Variants in FBXO40 observed in about 807,000 individuals in gnomAD.
The protein encoded by FBXO40 is F-box protein 40.
A neutral mutation model predicts 49.9 loss-of-function variants in FBXO40; 50 were observed. That is an observed-to-expected ratio of 1.00 (90% CI 0.80 to 1.27). FBXO40 has a LOEUF of 1.27. Ranked by LOEUF, FBXO40 falls within the 50% of genes most tolerant of loss-of-function variation. The pLI is 0.00. For missense variants in FBXO40, 895 were observed against 870.1 expected (o/e 1.03, Z -0.36); for synonymous variants, 340 against 320.2 (o/e 1.06, Z -0.66).
rs2049077962 is a variant in FBXO40, at chr3:121,628,903, C to T, written c.*1993C>T. 6.6e-6 allele frequency: 1 copy of T among 152,152 alleles called. No individual in the cohort carries two copies. The highest frequency in any genetic ancestry group is 2.4e-5 in the African/African-American group (1 of 41,422). The allele number at this position is 152,152 out of a possible 1,614,324, so 9.4% of individuals were successfully genotyped here. On this transcript the variant is annotated 3_prime_UTR_variant, in exon 4 of 4. Transcript: ENST00000338040. ...AAGCCAGGAGCGTTGAGTTATTAGCCTTGTGTTTATATTCCTCTCACTGTA... is the reference window on the plus strand; with the variant it reads ...AAGCCAGGAGCGTTGAGTTATTAGCTTTGTGTTTATATTCCTCTCACTGTA...
chr3:121,611,541 G>C (rs753653044), intron 1 of FBXO40, among the ~76,000 whole-genome samples: 20 of 152,278 alleles, frequency 1.3e-4, no homozygotes, highest in East Asian at 9.6e-4. Flanking sequence ...GTTTTTCTCT[G>C]ATCTCAGAAT....
intron 1 of FBXO40, among the ~76,000 whole-genome samples, chr3:121,616,910 T>C (rs2049000559): frequency 6.6e-6 from 1 of 152,118 alleles, no homozygotes; most frequent in Non-Finnish European, 1.5e-5. Flanking sequence ...AAGCCAGACA[T>C]AGAAAGACAC....
In FBXO40 at chr3:121,622,716, A is replaced by G. The variant is rs1485704962; in HGVS notation, c.1287A>G (p.Gln429=). 1.9e-6 allele frequency: 3 copies of G among 1,614,058 alleles called. No homozygotes were observed. Among genetic ancestry groups the G allele is most frequent in the Admixed American group, 3.3e-5 (2 of 60,004 alleles). The part of the protein sequence containing the change: ...IDGLFMDFAT[Q]TYNFEPEQFS... ...GACTGTTCATGGATTTTGCCACACA[A>G]ACATACAACTTTGAGCCAGAACAGT... Residue 429 remains glutamine, a synonymous_variant, in exon 3 of 4, where the codon CAA becomes CAG. Transcript: ENST00000338040.
chr3:121,626,814 G>A lies in FBXO40; in HGVS notation c.2034G>A (p.Pro678=), dbSNP rs372791958. 15 of 1,613,976 alleles carry A rather than the reference G, an allele frequency of 9.3e-6. No homozygotes were observed. The highest frequency in any genetic ancestry group is 4.5e-5 in the East Asian group (2 of 44,892). ...ACATTGTAGAGCACAAAACTGACCC[G>A]ATTCTTTTGACTAGCATGTGTCAGC... is the stretch of plus-strand genomic sequence containing the variant. ...PFNIVEHKTD[P]ILLTSMCQPR... Residue 678 remains proline (P), a synonymous_variant, in exon 4 of 4, where the codon CCG becomes CCA. Coordinates refer to ENST00000338040, the MANE Select transcript of FBXO40 (RefSeq NM_016298.4).
At chr3:121,608,245 C>T (rs6808727) in intron 1 of FBXO40, among the ~76,000 whole-genome samples, 137,301 of 152,282 alleles carry the variant, frequency 0.9, 61,956 homozygotes, top group East Asian at 0.96. Context: ...TCAAAATATC[C>T]GAGTGATGTT....
chr3:121,616,995 C>A (rs1292456964), intron 1 of FBXO40, among the ~76,000 whole-genome samples: 1 of 151,966 alleles, frequency 6.6e-6, no homozygotes, highest in African/African-American at 2.4e-5. Flanking sequence ...ATGATAGTTA[C>A]CAGAGGCTGG....
intron 2 of FBXO40, among the ~76,000 whole-genome samples, 177 bp downstream of exon 2, chr3:121,620,755 A>G (rs897920597): frequency 2.6e-5 from 4 of 152,226 alleles, no homozygotes; most frequent in East Asian, 1.9e-4. Context: ...GAGTAAGGGG[A>G]AAACAGTTGA....
intron 1 of FBXO40, among the ~76,000 whole-genome samples, chr3:121,615,186 CAG>C (rs2048990420): frequency 1.0e-5 from 1 of 98,522 alleles, no homozygotes. Context: ...GCCTGGGCAA[CAG>C]AGAGAGCATC....
chr3:121,624,758 G>A (rs2049052998), intron 3 of FBXO40, among the ~76,000 whole-genome samples: 1 of 152,130 alleles, frequency 6.6e-6, no homozygotes, highest in South Asian at 2.1e-4. Flanking sequence ...GGGATCCAAC[G>A]ACCTTCCTTC....
At chr3:121,626,397 A>G (rs770347140) in intron 3 of FBXO40, among the ~76,000 whole-genome samples, 2 of 152,202 alleles carry the variant, frequency 1.3e-5, no homozygotes, top group Non-Finnish European at 2.9e-5. Flanking sequence ...TGAACTGTGC[A>G]TCTACTTTAA....
At chr3:121,614,136 G>T (rs936452578) in intron 1 of FBXO40, among the ~76,000 whole-genome samples, 15 of 152,004 alleles carry the variant, frequency 9.9e-5, no homozygotes, top group African/African-American at 3.4e-4. Context: ...CTGTGGTGGC[G>T]CTTGCCTGTA....
At position 121,627,120 on chromosome 3, in the gene FBXO40, T is replaced by G; in HGVS notation, c.*210T>G. ...TGTACCATAGTGCCACATTGATGAC[T>G]TGTTTCCTTTTTTCTTTTCTTTTCT... On this transcript the variant is annotated 3_prime_UTR_variant, in exon 4 of 4. Coordinates refer to ENST00000338040, the MANE Select transcript of FBXO40 (RefSeq NM_016298.4). 1.9e-6 allele frequency: 1 copy of G among 536,610 alleles called. No individual in the cohort carries two copies. The highest frequency in any genetic ancestry group is 3.3e-6 in the Non-Finnish European group (1 of 303,396). The allele number at this position is 536,610 out of a possible 1,614,324, so 33.2% of individuals were successfully genotyped here. A position where few individuals can be genotyped will look rare whatever the true frequency, so the allele number is the denominator to read the frequency against.
Position 121,622,330 on chromosome 3 carries a change from G to A in FBXO40, c.901G>A (p.Ala301Thr). 1 of 1,614,242 alleles carries A rather than the reference G, an allele frequency of 6.2e-7. No homozygotes were observed. The highest frequency in any genetic ancestry group is 8.5e-7 in the Non-Finnish European group (1 of 1,180,046). Residue 301 changes from alanine (A) to threonine (T), a missense_variant, in exon 3 of 4, where the codon GCT (alanine) becomes ACT (threonine). By Grantham distance (58) the Ala-to-Thr change is moderately conservative. Coordinates refer to ENST00000338040, the MANE Select transcript of FBXO40 (RefSeq NM_016298.4). ...TGGTGTTCTGGAAAGACTGAAAACAGCTGTGGATGCAAAGGACTATAACAT... is the reference window on the plus strand; with the variant it reads ...TGGTGTTCTGGAAAGACTGAAAACAACTGTGGATGCAAAGGACTATAACAT... ...QDGVLERLKTAVDAKDYNMYL... is the reference protein window; with the variant it reads ...QDGVLERLKTTVDAKDYNMYL...
intron 1 of FBXO40, among the ~76,000 whole-genome samples, chr3:121,609,726 G>A (rs1019062142): frequency 6.6e-6 from 1 of 152,164 alleles, no homozygotes; most frequent in African/African-American, 2.4e-5. Context: ...TAAGGGGTAG[G>A]GCATGCAGGT....
chr3:121,604,930 C>T (rs1460604345), intron 1 of FBXO40, among the ~76,000 whole-genome samples: 4 of 139,866 alleles, frequency 2.9e-5, no homozygotes, highest in Admixed American at 8.0e-5. Flanking sequence ...AGAAGGTTGG[C>T]TGGCTTTATT....
At chr3:121,595,329 G>C (rs2048866519) in intron 1 of FBXO40, among the ~76,000 whole-genome samples, 2 of 152,164 alleles carry the variant, frequency 1.3e-5, no homozygotes, top group African/African-American at 4.8e-5. Context: ...TGTATGCTGG[G>C]ATGCTGTCCT....
intron 3 of FBXO40, among the ~76,000 whole-genome samples, chr3:121,625,227 T>C (rs2049055040): frequency 6.6e-6 from 1 of 152,346 alleles, no homozygotes; most frequent in East Asian, 1.9e-4. Flanking sequence ...TAATTCATCA[T>C]ATCCCAGTGC....
intron 1 of FBXO40, among the ~76,000 whole-genome samples, chr3:121,606,282 T>C (rs1029144490): frequency 6.6e-6 from 1 of 152,228 alleles, no homozygotes; most frequent in Non-Finnish European, 1.5e-5. Flanking sequence ...GACCTTCTAC[T>C]GGCTCACAAC....
At chr3:121,599,701 C>CATAT (rs1221442696) in intron 1 of FBXO40, among the ~76,000 whole-genome samples, 2 of 72,530 alleles carry the variant, frequency 2.8e-5, no homozygotes. Flanking sequence ...CACACACACA[C>CATAT]ACACATATAT....
Sources: allele counts gnomAD v4.1 joint callset (sites outside exome capture counted in the v4.1 genomes callset), GRCh38; gene constraint gnomAD v4.1.1; transcripts MANE v1.5; gene names NCBI Gene and HGNC (gene_info 2026-07-23, HGNC 2026-07-21).